Variants in DYNC2H1 observed in about 807,000 individuals in gnomAD.
DYNC2H1 encodes cytoplasmic dynein 2 heavy chain 1.
A neutral mutation model predicts 570.0 loss-of-function variants in DYNC2H1; 410 were observed. The ratio of observed to expected loss-of-function variants is 0.72; its 90% CI spans 0.66 to 0.78. The LOEUF is 0.78. Ranked by LOEUF, DYNC2H1 falls within the 30% of genes least tolerant of loss-of-function variation. The pLI is 0.00. For synonymous variants in DYNC2H1, 1,688 were observed against 1,677.6 expected, an observed-to-expected ratio of 1.01 and a Z score of -0.15; for missense variants, 4,865 against 5,046.4, an observed-to-expected ratio of 0.96 and a Z score of 1.09.
At position 103,133,490 on chromosome 11, in the gene DYNC2H1, G is replaced by C; in HGVS notation, c.1954-65G>C. On this transcript the variant is annotated intron_variant, in intron 13 of 88. Coordinates refer to ENST00000375735, the MANE Select transcript of DYNC2H1 (RefSeq NM_001377.3). The surrounding 1 kb of genome is among the most constrained non-coding windows in gnomAD (Gnocchi z 4.8). The stretch of plus-strand genomic sequence containing the variant: ...TGGGGATAGTTGAACTTTTGATATA[G>C]AATATTGAAACTTTTGGAAAAAAGA... 1 of 1,467,510 alleles carries C rather than the reference G, an allele frequency of 6.8e-7. No individual in the cohort carries two copies. The highest frequency in any genetic ancestry group is 1.3e-5 in the South Asian group (1 of 74,204). 90.9% of individuals were successfully genotyped at this position (1,467,510 alleles called of 1,614,324 possible).
chr11:103,231,514 T>A (rs1314019125), intron 60 of DYNC2H1, among the ~76,000 whole-genome samples, 168 bp downstream of exon 60: 1 of 152,084 alleles, frequency 6.6e-6, no homozygotes, highest in Non-Finnish European at 1.5e-5. Flanking sequence ...TGTTTAAAAA[T>A]TCTATCCTTT....
intron 88 of DYNC2H1, among the ~76,000 whole-genome samples, chr11:103,469,444 C>G (rs1291370163): frequency 6.6e-6 from 1 of 152,036 alleles, no homozygotes; most frequent in Non-Finnish European, 1.5e-5. Context: ...TAATGAGCAA[C>G]AAAACTATTT....
intron 54 of DYNC2H1, among the ~76,000 whole-genome samples, chr11:103,214,365 A>G (rs1015044308): frequency 6.6e-6 from 1 of 151,780 alleles, no homozygotes; most frequent in African/African-American, 2.4e-5. Context: ...GAATGTAATT[A>G]GTATTTTCAC....
chr11:103,379,177 C>G (rs1043343716), intron 83 of DYNC2H1, among the ~76,000 whole-genome samples: 1 of 152,192 alleles, frequency 6.6e-6, no homozygotes, highest in Non-Finnish European at 1.5e-5. Context: ...AAATCTCTCC[C>G]TAGTCTGGTT....
At chr11:103,406,269 AGT>A (rs1329505009) in intron 84 of DYNC2H1, 2 of 151,956 alleles carry the variant, frequency 1.3e-5, no homozygotes, top group African/African-American at 2.4e-5. Flanking sequence ...AGAAGAAATA[AGT>A]GAGAGGAGGA....
At position 103,268,229 on chromosome 11, in the gene DYNC2H1, C is replaced by G. The variant is rs1865581754; in HGVS notation, c.10695+8252C>G. On this transcript the variant is annotated intron_variant, in intron 70 of 88. Transcript: ENST00000375735. The surrounding 1 kb of genome is among the most constrained non-coding windows in gnomAD (Gnocchi z 4.6). Reference sequence around the variant, plus strand: ...CATAATAATAAAGGTATATCTTTATCTCCTTTGTTGCACCTTATCAACCCA... The same window carrying G: ...CATAATAATAAAGGTATATCTTTATGTCCTTTGTTGCACCTTATCAACCCA... 6.6e-6 allele frequency among the ~76,000 whole-genome samples: 1 copy of G among 151,970 alleles called. No individual in the cohort carries two copies. Among genetic ancestry groups the G allele is most frequent in the South Asian group, 2.1e-4 (1 of 4,828 alleles).
At chr11:103,452,120 A>T (rs1468004929) in intron 85 of DYNC2H1, among the ~76,000 whole-genome samples, 1 of 152,100 alleles carries the variant, frequency 6.6e-6, no homozygotes, top group Non-Finnish European at 1.5e-5. Flanking sequence ...CTGAAGATTG[A>T]ATTTTTTTCC....
At chr11:103,379,540 AT>A (rs1941550477) in intron 83 of DYNC2H1, among the ~76,000 whole-genome samples, 1 of 152,072 alleles carries the variant, frequency 6.6e-6, no homozygotes, top group African/African-American at 2.4e-5. Context: ...TCTATTCTTT[AT>A]GGACTAAGGC....
At chr11:103,417,865 G>C (rs1186560782) in intron 84 of DYNC2H1, among the ~76,000 whole-genome samples, 1 of 126,054 alleles carries the variant, frequency 7.9e-6, no homozygotes, top group Admixed American at 8.3e-5. Flanking sequence ...AACAGAGCGA[G>C]ACTCCATCTC....
At chr11:103,238,916 T>C (rs549264148) in intron 63 of DYNC2H1, among the ~76,000 whole-genome samples, 24 of 152,282 alleles carry the variant, frequency 1.6e-4, no homozygotes, top group Non-Finnish European at 2.5e-4. Flanking sequence ...TGGTCTATGG[T>C]TTGCACTTGT....
chr11:103,368,004 T>G (rs901211703), intron 83 of DYNC2H1, among the ~76,000 whole-genome samples: 1 of 152,190 alleles, frequency 6.6e-6, no homozygotes, highest in African/African-American at 2.4e-5. Flanking sequence ...CCATGTTTTC[T>G]TTATCCATTC....
chr11:103,219,831 T>C, intron 55 of DYNC2H1, 84 bp from the exon 56 acceptor site: 2 of 829,920 alleles, frequency 2.4e-6, no homozygotes, highest in South Asian at 3.4e-5. Context: ...GAAAATGTTA[T>C]TTTGAAATGT....
intron 81 of DYNC2H1, among the ~76,000 whole-genome samples, chr11:103,322,433 T>C (rs549531250): frequency 6.6e-6 from 1 of 152,088 alleles, no homozygotes; most frequent in South Asian, 2.1e-4. Context: ...AGAAACAGAG[T>C]ATTATTAGCT....
chr11:103,351,182 A>G (rs1478835682), intron 82 of DYNC2H1, among the ~76,000 whole-genome samples: 12 of 152,124 alleles, frequency 7.9e-5, no homozygotes, highest in Non-Finnish European at 1.5e-4. Context: ...GAAGGTTCAA[A>G]ATGTCCTTAC....
chr11:103,436,886 C>T, intron 85 of DYNC2H1, among the ~76,000 whole-genome samples: 1 of 152,108 alleles, frequency 6.6e-6, no homozygotes, highest in Non-Finnish European at 1.5e-5. Context: ...CTCTTTCTAG[C>T]ACCTTCAGTA....
chr11:103,351,802 A>C (rs998253832), intron 82 of DYNC2H1, among the ~76,000 whole-genome samples: 16 of 152,124 alleles, frequency 1.1e-4, no homozygotes, highest in African/African-American at 3.9e-4. Context: ...ATGTTGCCTC[A>C]TTTTTCTAGT....
rs1371773696 is a variant in DYNC2H1, at chr11:103,446,890, G to A, written c.12457-8296G>A. On this transcript the variant is annotated intron_variant, in intron 85 of 88. Coordinates refer to ENST00000375735, the MANE Select transcript of DYNC2H1 (RefSeq NM_001377.3). This position sits in a 1 kb window ranked among gnomAD's most constrained non-coding sequence, Gnocchi z 4.5. ...GTTATAAATTATTATTAATAATTAA[G>A]AGGAGACCTATAAGTAGGTGGACAT... Among the ~76,000 whole-genome samples the A allele has an allele frequency of 6.6e-6, 1 of 152,066 alleles. No individual in the cohort carries two copies. The highest frequency in any genetic ancestry group is 1.9e-4 in the East Asian group (1 of 5,196).
At chr11:103,444,677 A>G (rs916733978) in intron 85 of DYNC2H1, among the ~76,000 whole-genome samples, 4 of 152,200 alleles carry the variant, frequency 2.6e-5, no homozygotes, top group African/African-American at 7.2e-5. Flanking sequence ...ATGTATGGTC[A>G]GGGAAAGCCT....
chr11:103,131,348 C>T (rs1371550181), intron 13 of DYNC2H1, among the ~76,000 whole-genome samples: 1 of 151,964 alleles, frequency 6.6e-6, no homozygotes, highest in Non-Finnish European at 1.5e-5. Flanking sequence ...GGCTGGAGTG[C>T]AGTGTCGCAA....
Sources: allele counts gnomAD v4.1 joint callset (sites outside exome capture counted in the v4.1 genomes callset), GRCh38; gene constraint gnomAD v4.1.1; non-coding constraint Gnocchi (gnomAD v3.1); transcripts MANE v1.5; gene names NCBI Gene and HGNC (gene_info 2026-07-23, HGNC 2026-07-21).